Variants in BAHCC1 observed in about 807,000 individuals in gnomAD.
BAHCC1 encodes BAH and coiled-coil domain-containing protein 1.
In BAHCC1, 43 loss-of-function variants were observed where a neutral mutation model predicts 88.2. The observed-to-expected ratio is 0.49, with a 90% CI of 0.38 to 0.63. The LOEUF (loss-of-function observed/expected upper bound fraction) is 0.63. Among genes scored for constraint, BAHCC1 ranks in the 20% least tolerant of loss-of-function variants. The pLI is 0.00. For synonymous variants in BAHCC1, 1,510 were observed against 745.5 expected, an observed-to-expected ratio of 2.03 and a Z score of -16.71; for missense variants, 3,023 against 1,654.8, an observed-to-expected ratio of 1.83 and a Z score of -14.34.
In BAHCC1 at chr17:81,435,956, A is replaced by C. The variant is rs1164141850; in HGVS notation, c.359-2414A>C. Among the ~76,000 whole-genome samples the C allele has an allele frequency of 1.3e-5, 2 of 152,140 alleles. No homozygotes were observed. The highest frequency in any genetic ancestry group is 4.8e-5 in the African/African-American group (2 of 41,432). On this transcript the variant is annotated intron_variant, in intron 3 of 27. Transcript: ENST00000675386. The surrounding 1 kb of genome is among the most constrained non-coding windows in gnomAD (Gnocchi z 4.4). ...AATTTTCTTTCTCAGTTTTGAGAGTATGGTCTTATTGGGAAAAAGAAAGGG... is the reference window on the plus strand; with the variant it reads ...AATTTTCTTTCTCAGTTTTGAGAGTCTGGTCTTATTGGGAAAAAGAAAGGG...
intron 1 of BAHCC1, among the ~76,000 whole-genome samples, chr17:81,398,839 C>T (rs1414282071): frequency 6.6e-6 from 1 of 150,658 alleles, no homozygotes. Context: ...GAGCTGGTCC[C>T]GCTGGGGCTG....
chr17:81,439,327 A>G (rs1327008574), intron 4 of BAHCC1, among the ~76,000 whole-genome samples: 4 of 152,174 alleles, frequency 2.6e-5, no homozygotes, highest in Non-Finnish European at 5.9e-5. Context: ...GAGAAGCGAT[A>G]CAGGTGTGGG....
chr17:81,407,735 C>T (rs781840078), intron 2 of BAHCC1, among the ~76,000 whole-genome samples: 20 of 152,214 alleles, frequency 1.3e-4, no homozygotes, highest in Non-Finnish European at 2.2e-4. Context: ...GATATCCCAG[C>T]GGGGTCTAGC....
chr17:81,442,640 C>T lies in BAHCC1; in HGVS notation c.1291C>T (p.Pro431Ser), dbSNP rs2064443405. The T allele has an allele frequency of 1.3e-6, 1 of 776,382 alleles. No homozygotes were observed. The highest frequency in any genetic ancestry group is 1.7e-5 in the African/African-American group (1 of 59,178). The allele number at this position is 776,382 out of a possible 1,614,324, so 48.1% of individuals were successfully genotyped here. ...CCGGCACCTGGAGGGAACCATGGCC[C>T]CCGACCACGCTGCACCCTATGGAGT... ...KDRHLEGTMA[P>S]DHAAPYGVSY... Residue 431 changes from proline to serine, a missense_variant, in exon 5 of 28, where the codon CCC becomes TCC. By Grantham distance (74) the Pro-to-Ser change is moderately conservative. Transcript: ENST00000675386.
In BAHCC1 at chr17:81,447,368, G is replaced by A. The variant is rs1555654800; in HGVS notation, c.3496G>A (p.Gly1166Arg). Residue 1166 changes from glycine to arginine, a missense_variant, in exon 11 of 28, where the codon GGG (glycine) becomes AGG (arginine). Transcript: ENST00000675386. ...ELQCAALLEA[G>R]GPEATGQAHS... ...GCAATGTGCGGCCCTCCTGGAGGCA[G>A]GGGGCCCCGAGGCCACCGGCCAGGC... The A allele has an allele frequency of 2.7e-6, 2 of 736,328 alleles. No individual in the cohort carries two copies. Among genetic ancestry groups the A allele is most frequent in the Admixed American group, 1.9e-5 (1 of 51,554 alleles). 45.6% of individuals were successfully genotyped at this position (736,328 alleles called of 1,614,324 possible).
chr17:81,437,255 A>G (rs1390790488), intron 3 of BAHCC1, among the ~76,000 whole-genome samples: 2 of 152,152 alleles, frequency 1.3e-5, no homozygotes, highest in African/African-American at 2.4e-5. Context: ...CAGACCCCCA[A>G]CCACAGCCAG....
intron 2 of BAHCC1, among the ~76,000 whole-genome samples, chr17:81,418,281 G>A (rs1256721940): frequency 2.6e-5 from 4 of 152,218 alleles, no homozygotes; most frequent in African/African-American, 9.6e-5. Context: ...AGGACAGCCC[G>A]AGAAACATTG....
In BAHCC1 at chr17:81,442,507, C is replaced by T. The variant is rs781806054; in HGVS notation, c.1158C>T (p.Asp386=). ...LCPLQDKAPR[D]LKASGPTFVP... ...CGCTGCAGGACAAAGCCCCCCGGGA[C>T]CTAAAGGCCAGCGGGCCCACCTTCG... The change falls in exon 5 of 28, where the codon GAC becomes GAT. Residue 386 remains aspartate, a synonymous_variant. Transcript: ENST00000675386. 1 of 721,978 alleles carries T rather than the reference C, an allele frequency of 1.4e-6. No homozygotes were observed. Among genetic ancestry groups the T allele is most frequent in the Non-Finnish European group, 2.6e-6 (1 of 390,228 alleles). 44.7% of individuals were successfully genotyped at this position (721,978 alleles called of 1,614,324 possible). A position where few individuals can be genotyped will look rare whatever the true frequency, so the allele number is the denominator to read the frequency against.
At chr17:81,408,029 C>T (rs117684617) in intron 2 of BAHCC1, among the ~76,000 whole-genome samples, 1,909 of 152,306 alleles carry the variant, frequency 0.013, 22 homozygotes, top group Non-Finnish European at 0.017. Flanking sequence ...AGCAGAGCCC[C>T]AGATCCACAT....
At chr17:81,410,978 A>G (rs1555647744) in intron 2 of BAHCC1, 1 of 453,042 alleles carries the variant, frequency 2.2e-6, no homozygotes, top group Admixed American at 2.4e-5. Context: ...CCTCCCATGA[A>G]AGGAGGGCTT....
chr17:81,460,497 G>A (rs782212835), intron 24 of BAHCC1, 33 bp from the exon 25 acceptor site: 9 of 732,108 alleles, frequency 1.2e-5, no homozygotes, highest in Non-Finnish European at 2.0e-5. Flanking sequence ...CCACAGCCAT[G>A]GCACTGAAGC....
At chr17:81,398,440 C>T (rs1329133727) in intron 1 of BAHCC1, among the ~76,000 whole-genome samples, 1 of 152,230 alleles carries the variant, frequency 6.6e-6, no homozygotes, top group East Asian at 1.9e-4. Context: ...GCCCACCTTC[C>T]CCGGCTAGAG....
At chr17:81,426,281 G>T (rs1463619566) in intron 2 of BAHCC1, among the ~76,000 whole-genome samples, 1 of 145,132 alleles carries the variant, frequency 6.9e-6, no homozygotes, top group Non-Finnish European at 1.5e-5. Flanking sequence ...GGTTGGGGGT[G>T]ATTGTGGTGG....
In BAHCC1 at chr17:81,426,976, G is replaced by A. The variant is rs1040966268; in HGVS notation, c.355G>A (p.Glu119Lys). 8 of 398,418 alleles carry A rather than the reference G, an allele frequency of 2.0e-5. 1 individual carries two copies. Among genetic ancestry groups the A allele is most frequent in the Admixed American group, 1.8e-4 (4 of 22,702 alleles). 24.7% of individuals were successfully genotyped at this position (398,418 alleles called of 1,614,324 possible). A position where few individuals can be genotyped will look rare whatever the true frequency, so the allele number is the denominator to read the frequency against. The part of the protein sequence containing the change: ...TSQIWFSHSH[E>K]APGYPRFSGS... ...CCAGATCTGGTTCTCCCACTCCCAC[G>A]AAGGTAAGTTGGCGGACTGGGCTCC... The change falls in exon 3 of 28, where the codon GAA (glutamate) becomes AAA (lysine). Residue 119 changes from glutamate to lysine, a missense_variant. By Grantham distance (56) the Glu-to-Lys change is moderately conservative. Coordinates refer to ENST00000675386, the MANE Select transcript of BAHCC1 (RefSeq NM_001377448.1).
chr17:81,426,098 A>G (rs2064193054), intron 2 of BAHCC1, among the ~76,000 whole-genome samples: 8 of 95,954 alleles, frequency 8.3e-5, no homozygotes, highest in Admixed American at 2.4e-4. Flanking sequence ...TGGTGGTGAT[A>G]GTGGTGGGTG....
chr17:81,456,594 C>G lies in BAHCC1; in HGVS notation c.4858+9C>G. The stretch of plus-strand genomic sequence containing the variant: ...TGCGTCCCAGGAGGCAGGCAAGTTG[C>G]TGGCGTGAGTGGCCACTGCCAGGAG... On this transcript the variant is annotated intron_variant, in intron 16 of 27. Coordinates refer to ENST00000675386, the MANE Select transcript of BAHCC1 (RefSeq NM_001377448.1). The G allele has an allele frequency of 1.4e-6, 1 of 694,858 alleles. No individual in the cohort carries two copies. The highest frequency in any genetic ancestry group is 2.7e-6 in the Non-Finnish European group (1 of 377,236). 43.0% of individuals were successfully genotyped at this position (694,858 alleles called of 1,614,324 possible).
Position 81,442,257 on chromosome 17 carries a change from C to A in BAHCC1, c.908C>A (p.Ala303Glu). ...GGCAGGGCTGCGCTAGCCAGCTGTG[C>A]AGGGGGCATGCTGGGGCGGCCTGGC... is the stretch of plus-strand genomic sequence containing the variant. ...EMGRAALASC[A>E]GGMLGRPGTG... Residue 303 changes from alanine (A) to glutamate (E), a missense_variant, in exon 5 of 28, where the codon GCA becomes GAA. Coordinates refer to ENST00000675386, the MANE Select transcript of BAHCC1 (RefSeq NM_001377448.1). 1.6e-6 allele frequency: 1 copy of A among 629,832 alleles called. No homozygotes were observed. Among genetic ancestry groups the A allele is most frequent in the Non-Finnish European group, 2.9e-6 (1 of 348,918 alleles). 39.0% of individuals were successfully genotyped at this position (629,832 alleles called of 1,614,324 possible). A position where few individuals can be genotyped will look rare whatever the true frequency, so the allele number is the denominator to read the frequency against.
chr17:81,430,264 AAG>A (rs1340560963), intron 3 of BAHCC1, among the ~76,000 whole-genome samples: 1 of 151,828 alleles, frequency 6.6e-6, no homozygotes, highest in African/African-American at 2.4e-5. Context: ...GGGCCAATGA[AAG>A]AGGATTCTGT....
At chr17:81,409,735 C>T (rs1050257558) in intron 2 of BAHCC1, among the ~76,000 whole-genome samples, 5 of 152,330 alleles carry the variant, frequency 3.3e-5, no homozygotes, top group Admixed American at 3.3e-4. Context: ...TGTGAATCAG[C>T]TGCCTCACCC....
Sources: allele counts gnomAD v4.1 joint callset (sites outside exome capture counted in the v4.1 genomes callset), GRCh38; gene constraint gnomAD v4.1.1; non-coding constraint Gnocchi (gnomAD v3.1); transcripts MANE v1.5; gene names NCBI Gene and HGNC (gene_info 2026-07-23, HGNC 2026-07-21).